The following GAS2 variants were observed in gnomAD, a reference collection of about 807,000 sequenced individuals.
GAS2 encodes growth arrest-specific protein 2.
In GAS2, 20 loss-of-function variants were observed where a neutral mutation model predicts 37.5. The observed-to-expected ratio is 0.53, with a 90% CI of 0.37 to 0.77. The LOEUF is 0.77. Among genes scored for constraint, GAS2 ranks in the 30% least tolerant of loss-of-function variants. GAS2 has a pLI of 0.00. For missense variants in GAS2, 336 were observed against 373.4 expected, an observed-to-expected ratio of 0.90 and a Z score of 0.82; for synonymous variants, 144 against 132.2, an observed-to-expected ratio of 1.09 and a Z score of -0.61.
chr11:22,772,207 A>G (rs1564881673), intron 7 of GAS2, among the ~76,000 whole-genome samples: 3 of 152,148 alleles, frequency 2.0e-5, no homozygotes, highest in Non-Finnish European at 2.9e-5. Context: ...TGTGGAGCTA[A>G]TCTGACCATG....
intron 4 of GAS2, among the ~76,000 whole-genome samples, chr11:22,727,621 A>AT (rs1852278061): frequency 2.0e-5 from 3 of 152,158 alleles, no homozygotes; most frequent in South Asian, 4.1e-4. Flanking sequence ...CTAGACCTGA[A>AT]TAAAAAAAAG....
At chr11:22,685,913 G>T in intron 3 of GAS2, 124 bp downstream of exon 3, 1 of 786,338 alleles carries the variant, frequency 1.3e-6, no homozygotes, top group Admixed American at 3.5e-5. Flanking sequence ...TAACAACAAA[G>T]TACAGAGAGT....
intron 2 of GAS2, among the ~76,000 whole-genome samples, chr11:22,681,949 A>T (rs1849702374): frequency 6.6e-6 from 1 of 152,092 alleles, no homozygotes; most frequent in Non-Finnish European, 1.5e-5. Flanking sequence ...GATTGTAATC[A>T]TAAAGTATAT....
chr11:22,695,609 C>T (rs761278085), intron 3 of GAS2, among the ~76,000 whole-genome samples: 1 of 152,080 alleles, frequency 6.6e-6, no homozygotes, highest in Non-Finnish European at 1.5e-5. Flanking sequence ...AGGATTTTAG[C>T]AAAGGACAGG....
chr11:22,726,896 C>T (rs142463266), intron 4 of GAS2, among the ~76,000 whole-genome samples: 2 of 152,020 alleles, frequency 1.3e-5, no homozygotes, highest in African/African-American at 4.8e-5. Flanking sequence ...GTACAGATTA[C>T]TCATTCATTT....
chr11:22,798,751 G>T (rs1191330738), intron 7 of GAS2, among the ~76,000 whole-genome samples: 1 of 151,934 alleles, frequency 6.6e-6, no homozygotes, highest in African/African-American at 2.4e-5. Context: ...GCCTCAGTTT[G>T]CCCTGCTAAC....
intron 2 of GAS2, among the ~76,000 whole-genome samples, chr11:22,675,403 C>T (rs891362273): frequency 2.6e-5 from 4 of 152,170 alleles, no homozygotes; most frequent in South Asian, 2.1e-4. Flanking sequence ...CTTTGCCCTA[C>T]TTTTACAGCA....
At chr11:22,734,314 A>G (rs1852631479) in intron 4 of GAS2, among the ~76,000 whole-genome samples, 1 of 151,756 alleles carries the variant, frequency 6.6e-6, no homozygotes, top group African/African-American at 2.4e-5. Flanking sequence ...TAATTGCTGA[A>G]GGATATCTAC....
intron 7 of GAS2, among the ~76,000 whole-genome samples, chr11:22,806,093 A>C (rs1404686741): frequency 6.6e-6 from 1 of 151,924 alleles, no homozygotes; most frequent in African/African-American, 2.4e-5. Context: ...GAATGCCTTA[A>C]CCATCTGGGA....
chr11:22,787,094 T>C (rs1340234458), intron 7 of GAS2, among the ~76,000 whole-genome samples: 3 of 152,172 alleles, frequency 2.0e-5, no homozygotes, highest in Non-Finnish European at 2.9e-5. Context: ...TTAAAACTGA[T>C]ATAATACATT....
intron 7 of GAS2, among the ~76,000 whole-genome samples, chr11:22,767,883 A>G (rs80137379): frequency 2.0e-5 from 3 of 152,078 alleles, no homozygotes; most frequent in Non-Finnish European, 4.4e-5. Context: ...AAGTTTCTAC[A>G]TGACTGGTCA....
chr11:22,677,172 G>C (rs1320049160), intron 2 of GAS2, among the ~76,000 whole-genome samples: 1 of 152,154 alleles, frequency 6.6e-6, no homozygotes, highest in Non-Finnish European at 1.5e-5. Flanking sequence ...CAATTAAAAT[G>C]TAAACTGAGG....
intron 7 of GAS2, among the ~76,000 whole-genome samples, chr11:22,783,692 T>C (rs1855679936): frequency 6.6e-6 from 1 of 152,184 alleles, no homozygotes; most frequent in Non-Finnish European, 1.5e-5. Flanking sequence ...GAGGGGAAAT[T>C]CTTCCTTTGC....
At chr11:22,679,487 C>T (rs887714874) in intron 2 of GAS2, among the ~76,000 whole-genome samples, 1 of 152,012 alleles carries the variant, frequency 6.6e-6, no homozygotes, top group Non-Finnish European at 1.5e-5. Context: ...ATTACATTAA[C>T]AGTCCTGGAT....
At chr11:22,789,380 G>A in intron 7 of GAS2, among the ~76,000 whole-genome samples, 4 of 61,440 alleles carry the variant, frequency 6.5e-5, no homozygotes, top group Non-Finnish European at 1.0e-4. Context: ...ACATATATAT[G>A]TACATATATA....
At chr11:22,637,236 TTAATTATATTAATAGTA>T (rs1413066908) in intron 1 of GAS2, among the ~76,000 whole-genome samples, 172 of 68,110 alleles carry the variant, frequency 2.5e-3, no homozygotes, top group Non-Finnish European at 3.8e-3. Flanking sequence ...TAATATAATA[TTAATTATATTAATAGTA>T]TACTAATATA....
At chr11:22,665,496 T>C (rs1333304820), upstream of GAS2, among the ~76,000 whole-genome samples, 1 of 152,230 alleles carries the variant, frequency 6.6e-6, no homozygotes, top group Non-Finnish European at 1.5e-5. Flanking sequence ...TATTTATGTT[T>C]ATCCAAGCTG....
intron 5 of GAS2, among the ~76,000 whole-genome samples, chr11:22,740,556 T>A (rs1853019721): frequency 6.6e-6 from 1 of 152,192 alleles, no homozygotes; most frequent in Non-Finnish European, 1.5e-5. Flanking sequence ...TAGGATAGAT[T>A]GAACATTTAA....
At chr11:22,754,203 C>T (rs904886597) in intron 6 of GAS2, among the ~76,000 whole-genome samples, 10 of 151,946 alleles carry the variant, frequency 6.6e-5, no homozygotes, top group African/African-American at 2.4e-4. Flanking sequence ...CCTCTAATTT[C>T]CCCCTGTGAC....
Sources: gnomAD v4.1 joint callset for allele counts (sites outside exome capture counted in the v4.1 genomes callset) on GRCh38, gnomAD v4.1.1 for gene constraint, MANE v1.5 for transcripts, NCBI Gene and HGNC (gene_info 2026-07-23, HGNC 2026-07-21) for gene names.